DZIP3: variants seen among roughly 807,000 people sequenced by gnomAD.
DZIP3 encodes E3 ubiquitin-protein ligase DZIP3.
In DZIP3, 118 loss-of-function variants were observed where a neutral mutation model predicts 162.0. The ratio of observed to expected loss-of-function variants is 0.73; its 90% CI spans 0.63 to 0.85. The LOEUF (loss-of-function observed/expected upper bound fraction) is 0.85. Ranked by LOEUF, DZIP3 falls within the 40% of genes least tolerant of loss-of-function variation. The pLI is 0.00. For synonymous variants in DZIP3, 438 were observed against 458.6 expected (o/e 0.96, Z 0.57); for missense variants, 1,331 against 1,407.0 (o/e 0.95, Z 0.86).
chr3:108,625,754 C>T, intron 6 of DZIP3, 91 bp from the exon 7 acceptor site: 3 of 1,307,604 alleles, frequency 2.3e-6, no homozygotes, highest in Non-Finnish European at 3.0e-6. Flanking sequence ...TAAAGCTGCC[C>T]TAATTTCTCC....
chr3:108,598,406 A>T (rs1939818276), intron 1 of DZIP3, among the ~76,000 whole-genome samples: 1 of 152,218 alleles, frequency 6.6e-6, no homozygotes. Context: ...AGAGCGTGGC[A>T]CATAGGAGCT....
intron 1 of DZIP3, among the ~76,000 whole-genome samples, chr3:108,591,573 A>G (rs1463350112): frequency 1.3e-5 from 2 of 152,218 alleles, no homozygotes; most frequent in African/African-American, 4.8e-5. Flanking sequence ...CTTCACCAAA[A>G]TTGATGTTGT....
chr3:108,648,006 A>G lies in DZIP3; in HGVS notation c.1856A>G (p.Asn619Ser), dbSNP rs1397638345. Reference protein sequence around the residue: ...EELSPPLMEYNINVKSHPEIQ... With the variant: ...EELSPPLMEYSINVKSHPEIQ... The stretch of plus-strand genomic sequence containing the variant: ...CTAAGTCCACCTCTCATGGAGTACA[A>G]TATAAATGTGAAATCACACCCTGAG... Residue 619 changes from asparagine to serine, a missense_variant, in exon 16 of 33, where the codon AAT becomes AGT. Physicochemically the swap from Asn to Ser is conservative, Grantham distance 46 (BLOSUM62 1). This residue lies in a region of DZIP3 where 1,278 missense variants were observed against 1,317.1 expected (regional missense o/e 0.97). Coordinates refer to ENST00000361582, the MANE Select transcript of DZIP3 (RefSeq NM_014648.4). The G allele has an allele frequency of 3.1e-6, 5 of 1,611,426 alleles. No individual in the cohort carries two copies. Among genetic ancestry groups the G allele is most frequent in the East Asian group, 2.2e-5 (1 of 44,672 alleles).
chr3:108,630,550 A>C (rs1240639677), intron 8 of DZIP3, among the ~76,000 whole-genome samples: 1 of 152,114 alleles, frequency 6.6e-6, no homozygotes, highest in African/African-American at 2.4e-5. Flanking sequence ...TAGAACATGC[A>C]GACAGCTTTT....
At chr3:108,599,170 T>C (rs979931665) in intron 1 of DZIP3, among the ~76,000 whole-genome samples, 2 of 152,210 alleles carry the variant, frequency 1.3e-5, no homozygotes, top group East Asian at 1.9e-4. Context: ...TAAGCAGATA[T>C]ATTGCTAACA....
intron 10 of DZIP3, 29 bp from the exon 11 acceptor site, chr3:108,636,586 AT>A (rs760748490): frequency 7.1e-7 from 1 of 1,413,208 alleles, no homozygotes; most frequent in Admixed American, 2.4e-5. Flanking sequence ...ATTTTTTTCT[AT>A]TTTTATTTTT....
intron 18 of DZIP3, among the ~76,000 whole-genome samples, chr3:108,652,999 T>G (rs1942933249): frequency 6.6e-6 from 1 of 151,932 alleles, no homozygotes; most frequent in African/African-American, 2.4e-5. Context: ...GAGTGTACTT[T>G]AAAAAATTTA....
At chr3:108,606,328 C>T (rs1940371477) in intron 2 of DZIP3, among the ~76,000 whole-genome samples, 1 of 152,084 alleles carries the variant, frequency 6.6e-6, no homozygotes, top group Admixed American at 6.6e-5. Flanking sequence ...AGATCTCCCT[C>T]CAGGCTTGAA....
At chr3:108,611,835 C>A (rs2107510718) in intron 4 of DZIP3, among the ~76,000 whole-genome samples, 1 of 152,080 alleles carries the variant, frequency 6.6e-6, no homozygotes, top group African/African-American at 2.4e-5. Context: ...CATGGTGGCA[C>A]ATGCCTGTGG....
intron 1 of DZIP3, among the ~76,000 whole-genome samples, chr3:108,592,697 C>T (rs1939495005): frequency 6.9e-6 from 1 of 145,264 alleles, no homozygotes; most frequent in South Asian, 2.1e-4. Flanking sequence ...AGGAGGGAGA[C>T]CCTGTCTCAA....
chr3:108,604,914 G>A (rs1940246851), intron 1 of DZIP3, among the ~76,000 whole-genome samples: 1 of 152,076 alleles, frequency 6.6e-6, no homozygotes, highest in African/African-American at 2.4e-5. Context: ...AAAGCTGTAT[G>A]GATAATTGAG....
intron 26 of DZIP3, among the ~76,000 whole-genome samples, chr3:108,682,190 C>A (rs1476124443): frequency 6.6e-6 from 1 of 150,914 alleles, no homozygotes; most frequent in Non-Finnish European, 1.5e-5. Context: ...TAAATTAGCG[C>A]AGCTATTATG....
chr3:108,658,564 C>T (rs2107276745), intron 19 of DZIP3, among the ~76,000 whole-genome samples: 1 of 151,770 alleles, frequency 6.6e-6, no homozygotes, highest in South Asian at 2.1e-4. Context: ...GACACCCTAA[C>T]ATCACAATTA....
At chr3:108,613,347 A>G (rs1311115275) in intron 4 of DZIP3, among the ~76,000 whole-genome samples, 2 of 152,150 alleles carry the variant, frequency 1.3e-5, no homozygotes, top group Non-Finnish European at 2.9e-5. Flanking sequence ...AAAAGTATGA[A>G]GGAGTAGGGC....
rs899142045 is a variant in DZIP3, at chr3:108,607,128, G to A, written c.33-961G>A. Among the ~76,000 whole-genome samples, 7 of 152,250 alleles carry A rather than the reference G, an allele frequency of 4.6e-5. No homozygotes were observed. In the East Asian group the frequency reaches 7.7e-4, roughly 17 times the overall value. ...AGGAAAAGACAGGTTTCTTTTTACC[G>A]TGGCACCTTAAAGAGCACTGAGAAT... On this transcript the variant is annotated intron_variant, in intron 2 of 32. Coordinates refer to ENST00000361582, the MANE Select transcript of DZIP3 (RefSeq NM_014648.4).
At chr3:108,682,717 C>T (rs1014983865) in intron 26 of DZIP3, among the ~76,000 whole-genome samples, 1 of 150,640 alleles carries the variant, frequency 6.6e-6, no homozygotes, top group African/African-American at 2.5e-5. Context: ...TTATAGTTAA[C>T]AGTAAGGTAT....
intron 5 of DZIP3, among the ~76,000 whole-genome samples, chr3:108,623,405 G>A (rs2107560084): frequency 6.6e-6 from 1 of 152,244 alleles, no homozygotes; most frequent in Middle Eastern, 3.4e-3. Context: ...CCAGGACTGG[G>A]TTCTTACCTT....
At chr3:108,649,207 C>T (rs1942761425) in intron 17 of DZIP3, among the ~76,000 whole-genome samples, 1 of 151,756 alleles carries the variant, frequency 6.6e-6, no homozygotes, top group South Asian at 2.1e-4. Context: ...TAAATATAGA[C>T]TGAATTAGTC....
chr3:108,655,388 T>C (rs1943061047), intron 19 of DZIP3, among the ~76,000 whole-genome samples: 1 of 152,118 alleles, frequency 6.6e-6, no homozygotes, highest in Non-Finnish European at 1.5e-5. Flanking sequence ...TCTATGTGAT[T>C]TGGGGCAAGT....
Sources: allele counts gnomAD v4.1 joint callset (sites outside exome capture counted in the v4.1 genomes callset), GRCh38; gene constraint gnomAD v4.1.1; regional missense constraint gnomAD v4.1.1; transcripts MANE v1.5; gene names NCBI Gene and HGNC (gene_info 2026-07-23, HGNC 2026-07-21).